HMMR: variants seen among roughly 807,000 people sequenced by gnomAD.
HMMR encodes intracellular hyaluronic acid-binding protein.
In HMMR, 108 loss-of-function variants were observed where a neutral mutation model predicts 101.0. The ratio of observed to expected loss-of-function variants is 1.07; its 90% CI spans 0.92 to 1.25. HMMR has a LOEUF of 1.25. Among genes scored for constraint, HMMR ranks in the 50% most tolerant of loss-of-function variants. HMMR has a pLI of 0.00. For synonymous variants in HMMR, 296 were observed against 276.4 expected (o/e 1.07, Z -0.70); for missense variants, 813 against 788.7 (o/e 1.03, Z -0.37).
intron 14 of HMMR, 31 bp from the exon 15 acceptor site, chr5:163,483,237 A>G (rs769080025): frequency 1.8e-5 from 29 of 1,593,474 alleles, no homozygotes; most frequent in East Asian, 1.3e-4. Flanking sequence ...TTAAATAACT[A>G]TGTTTTTCTC....
Position 163,490,567 on chromosome 5 carries a change from A to C in HMMR, c.2125+15A>C. On this transcript the variant is annotated intron_variant, in intron 17 of 17. Coordinates refer to ENST00000393915, the MANE Select transcript of HMMR (RefSeq NM_001142556.2). The stretch of plus-strand genomic sequence containing the variant: ...ATTAAAAGAAGGTAAGACATGAATA[A>C]ATGTATAAAAGTGTCCTCTTCCTTT... 1 of 1,562,514 alleles carries C rather than the reference A, an allele frequency of 6.4e-7. No individual in the cohort carries two copies. Among genetic ancestry groups the C allele is most frequent in the Non-Finnish European group, 8.7e-7 (1 of 1,151,668 alleles).
At chr5:163,482,127 T>G (rs557723936) in intron 12 of HMMR, among the ~76,000 whole-genome samples, 3 of 152,164 alleles carry the variant, frequency 2.0e-5, no homozygotes, top group Admixed American at 2.0e-4. Flanking sequence ...ATGTTGGTCA[T>G]GCTGGTCTCG....
At chr5:163,462,374 A>G (rs1758567770) in intron 1 of HMMR, among the ~76,000 whole-genome samples, 1 of 151,570 alleles carries the variant, frequency 6.6e-6, no homozygotes, top group Admixed American at 6.6e-5. Context: ...AAAAAAAAAA[A>G]GCAAAAAAAC....
In HMMR at chr5:163,482,614, ACTTTGACT is replaced by A. The variant is rs1561644947; in HGVS notation, c.1386-27_1386-20del. ...TGTCATACGCAATAGTTAGAAAACT[ACTTTGACT>A]TTTTTTTCTTTTTAATAAGCTATAA... On this transcript the variant is annotated intron_variant, in intron 12 of 17. Transcript: ENST00000393915. 1.3e-6 allele frequency: 2 copies of A among 1,539,358 alleles called. No individual in the cohort carries two copies. The highest frequency in any genetic ancestry group is 4.5e-5 in the East Asian group (2 of 44,576).
chr5:163,482,738 T>C lies in HMMR; in HGVS notation c.1482T>C (p.Asp494=), dbSNP rs1437429696. ...CCAAGGCTGGGAAAAATGCAGAGGA[T>C]GTTCAGCATCAGATTTTGGCAACTG... ...KAAKAGKNAE[D]VQHQILATES... The change falls in exon 13 of 18, where the codon GAT becomes GAC. Residue 494 remains aspartate, a synonymous_variant. Transcript: ENST00000393915. The C allele has an allele frequency of 1.9e-6, 3 of 1,613,924 alleles. No homozygotes were observed. Among genetic ancestry groups the C allele is most frequent in the East Asian group, 2.2e-5 (1 of 44,866 alleles).
At chr5:163,484,011 G>A (rs1485139742) in intron 15 of HMMR, 58 bp from the exon 16 acceptor site, 2 of 1,014,614 alleles carry the variant, frequency 2.0e-6, no homozygotes, top group Non-Finnish European at 1.5e-6. Context: ...TGGTTTATAT[G>A]AAACTAGTAA....
At chr5:163,488,679 G>A (rs299315) in intron 16 of HMMR, among the ~76,000 whole-genome samples, 36,732 of 152,080 alleles carry the variant, frequency 0.24, 4,624 homozygotes, top group African/African-American at 0.27. Context: ...CTCTCTTTCC[G>A]TGAACATAGT....
chr5:163,478,850 G>A (rs1173795486), intron 12 of HMMR, 50 bp downstream of exon 12: 1 of 982,878 alleles, frequency 1.0e-6, no homozygotes, highest in Non-Finnish European at 1.6e-6. Flanking sequence ...TGCAGAAAGG[G>A]GTGTTTACCC....
chr5:163,481,143 CT>C (rs1759241145), intron 12 of HMMR, among the ~76,000 whole-genome samples: 1 of 151,896 alleles, frequency 6.6e-6, no homozygotes, highest in Admixed American at 6.6e-5. Context: ...AACCAACTGC[CT>C]AGTTTAATTT....
chr5:163,471,170 G>A lies in HMMR; in HGVS notation c.463-15G>A. The A allele has an allele frequency of 1.3e-6, 2 of 1,496,858 alleles. No homozygotes were observed. Among genetic ancestry groups the A allele is most frequent in the Non-Finnish European group, 1.9e-6 (2 of 1,075,632 alleles). 92.7% of individuals were successfully genotyped at this position (1,496,858 alleles called of 1,614,324 possible). A position where few individuals can be genotyped will look rare whatever the true frequency, so the allele number is the denominator to read the frequency against. Reference sequence around the variant, plus strand: ...GAAAATATTTCTGAATTTTTTACGTGTTTGTTGTATTTAGTTTTCTGAAAA... The same window carrying A: ...GAAAATATTTCTGAATTTTTTACGTATTTGTTGTATTTAGTTTTCTGAAAA... On this transcript the variant is annotated splice_polypyrimidine_tract_variant and intron_variant, in intron 5 of 17. Transcript: ENST00000393915.
chr5:163,488,083 T>C (rs922607541), intron 16 of HMMR, among the ~76,000 whole-genome samples: 1 of 152,202 alleles, frequency 6.6e-6, no homozygotes, highest in East Asian at 1.9e-4. Flanking sequence ...CTGGAGCTCC[T>C]GGGCTCAAGG....
At chr5:163,465,600 G>A (rs1473463318) in intron 3 of HMMR, among the ~76,000 whole-genome samples, 2 of 152,136 alleles carry the variant, frequency 1.3e-5, no homozygotes, top group African/African-American at 4.8e-5. Context: ...AGCCCACTTT[G>A]GCCTCCCAAA....
Position 163,465,551 on chromosome 5 carries a change from CA to C in HMMR, c.225+750del, listed in dbSNP as rs1758674404. 2.0e-5 allele frequency among the ~76,000 whole-genome samples: 3 copies of C among 152,076 alleles called. No homozygotes were observed. In the South Asian group the frequency reaches 6.2e-4, roughly 32 times the overall value. ...GGTTTAAACATATTAGCCAGTTGGG[CA>C]GGCTAGGCTGGTCTTGAATTCCTGA... is the stretch of plus-strand genomic sequence containing the variant. On this transcript the variant is annotated intron_variant, in intron 3 of 17. Coordinates refer to ENST00000393915, the MANE Select transcript of HMMR (RefSeq NM_001142556.2).
chr5:163,460,981 T>A (rs1758512732), intron 1 of HMMR, among the ~76,000 whole-genome samples: 1 of 152,194 alleles, frequency 6.6e-6, no homozygotes, highest in Non-Finnish European at 1.5e-5. Context: ...CGGGGAATAC[T>A]GTCAATAAAC....
At chr5:163,470,517 G>A (rs1758850806) in intron 5 of HMMR, among the ~76,000 whole-genome samples, 1 of 152,002 alleles carries the variant, frequency 6.6e-6, no homozygotes, top group South Asian at 2.1e-4. Context: ...CAGCTACTCA[G>A]GAGGCTGAGG....
intron 7 of HMMR, 47 bp downstream of exon 7, chr5:163,471,510 T>C: frequency 8.0e-7 from 1 of 1,250,080 alleles, no homozygotes; most frequent in Non-Finnish European, 1.2e-6. Flanking sequence ...AAGCAATTCT[T>C]GATTTGAGTC....
chr5:163,460,846 G>A (rs1758498883), intron 1 of HMMR, 108 bp downstream of exon 1: 3 of 906,736 alleles, frequency 3.3e-6, no homozygotes, highest in African/African-American at 1.7e-5. Context: ...GGTCGGGCTG[G>A]GGCTCATTCA....
intron 11 of HMMR, among the ~76,000 whole-genome samples, chr5:163,476,744 T>C (rs1759080752): frequency 6.6e-6 from 1 of 152,180 alleles, no homozygotes; most frequent in Non-Finnish European, 1.5e-5. Context: ...AAGACTGAAA[T>C]CTTGGCTGGG....
At chr5:163,466,704 CA>C (rs1346530321) in intron 3 of HMMR, among the ~76,000 whole-genome samples, 18 of 151,916 alleles carry the variant, frequency 1.2e-4, no homozygotes, top group Admixed American at 1.2e-3. Flanking sequence ...AGACTTAGTA[CA>C]AAAATATAAA....
Sources: gnomAD v4.1 joint callset for allele counts (sites outside exome capture counted in the v4.1 genomes callset) on GRCh38, gnomAD v4.1.1 for gene constraint, MANE v1.5 for transcripts, NCBI Gene and HGNC (gene_info 2026-07-23, HGNC 2026-07-21) for gene names.